The following LIMD2 variants were observed in gnomAD, a reference collection of about 807,000 sequenced individuals.
The protein encoded by LIMD2 is LIM domain-containing protein 2.
LIMD2 carries 11 observed loss-of-function variants against 16.0 expected under a neutral mutation model. The ratio of observed to expected loss-of-function variants is 0.69; its 90% CI spans 0.43 to 1.14. The LOEUF (loss-of-function observed/expected upper bound fraction) is 1.14. Among genes scored for constraint, LIMD2 ranks in the 50% most tolerant of loss-of-function variants. The pLI is 0.00. For synonymous variants in LIMD2, 60 were observed against 67.1 expected (o/e 0.89, Z 0.52); for missense variants, 168 against 165.8 (o/e 1.01, Z -0.07).
chr17:63,699,466 C>T (rs2035750729), intron 1 of LIMD2, 118 bp from the exon 2 acceptor site: 1 of 973,900 alleles, frequency 1.0e-6, no homozygotes, highest in Non-Finnish European at 1.5e-6. Flanking sequence ...AAGTCATTTC[C>T]TGTTGCTCTT....
Position 63,699,009 on chromosome 17 carries a change from C to A in LIMD2, c.84+19G>T. ...TCCCTCACACCCCTCCTCCCGCACA[C>A]CCGGCCCCAGGCCCCTACCTTGGAG... On this transcript the variant is annotated intron_variant, in intron 3 of 4. Transcript: ENST00000259006. 3 of 1,609,748 alleles carry A rather than the reference C, an allele frequency of 1.9e-6. No individual in the cohort carries two copies. The highest frequency in any genetic ancestry group is 2.5e-6 in the Non-Finnish European group (3 of 1,178,196).
At position 63,696,962 on chromosome 17, in the gene LIMD2, G is replaced by T. The variant is rs2035703225; in HGVS notation, c.*1590C>A. On this transcript the variant is annotated 3_prime_UTR_variant, in exon 5 of 5. Transcript: ENST00000259006. ...CCAGCTCCCTGCCCTGTTCCACGGG[G>T]AGGCCACTTAGGAACTCAGGCAGTT... 1.3e-5 allele frequency: 2 copies of T among 152,212 alleles called. No individual in the cohort carries two copies. Among genetic ancestry groups the T allele is most frequent in the Admixed American group, 1.3e-4 (2 of 15,276 alleles). 9.4% of individuals were successfully genotyped at this position (152,212 alleles called of 1,614,324 possible). A position where few individuals can be genotyped will look rare whatever the true frequency, so the allele number is the denominator to read the frequency against.
In LIMD2 at chr17:63,698,537, A is replaced by C. The variant is rs755021940; in HGVS notation, c.*15T>G. The C allele has an allele frequency of 1.2e-6, 2 of 1,612,186 alleles. No individual in the cohort carries two copies. Among genetic ancestry groups the C allele is most frequent in the South Asian group, 2.2e-5 (2 of 90,946 alleles). ...TCCAGGCCTTCCGCAGAGGGGGTGGAAGGTTACAGAGGCCTCAGGCCGTCT... is the reference window on the plus strand; with the variant it reads ...TCCAGGCCTTCCGCAGAGGGGGTGGCAGGTTACAGAGGCCTCAGGCCGTCT... On this transcript the variant is annotated 3_prime_UTR_variant, in exon 5 of 5. Coordinates refer to ENST00000259006, the MANE Select transcript of LIMD2 (RefSeq NM_030576.4).
At chr17:63,700,970 T>G (rs1439673525), upstream of LIMD2, 1 of 152,124 alleles carries the variant, frequency 6.6e-6, no homozygotes, top group Non-Finnish European at 1.5e-5. The surrounding 1 kb of genome is among the most constrained non-coding windows in gnomAD (Gnocchi z 7.1). Flanking sequence ...GGGCCCCCTC[T>G]CCAACAAGCG....
rs2035710602 is a variant in LIMD2, at chr17:63,697,539, A to G, written c.*1013T>C. ...CAGGCCTCTTCACAATGGGGTGCAT[A>G]TGGTAAGTTGGTGGGTCTGAACCAA... On this transcript the variant is annotated 3_prime_UTR_variant, in exon 5 of 5. Coordinates refer to ENST00000259006, the MANE Select transcript of LIMD2 (RefSeq NM_030576.4). 1 of 152,120 alleles carries G rather than the reference A, an allele frequency of 6.6e-6. No homozygotes were observed. Among genetic ancestry groups the G allele is most frequent in the South Asian group, 2.1e-4 (1 of 4,828 alleles). The allele number at this position is 152,120 out of a possible 1,614,324, so 9.4% of individuals were successfully genotyped here. A position where few individuals can be genotyped will look rare whatever the true frequency, so the allele number is the denominator to read the frequency against.
In LIMD2 at chr17:63,698,648, A is replaced by C; in HGVS notation, c.288T>G (p.Phe96Leu). 2 of 1,613,842 alleles carry C rather than the reference A, an allele frequency of 1.2e-6. No individual in the cohort carries two copies. The highest frequency in any genetic ancestry group is 1.7e-6 in the Non-Finnish European group (2 of 1,180,002). Residue 96 changes from phenylalanine (F) to leucine (L), a missense_variant, in exon 5 of 5, where the codon TTT becomes TTG. Phe to Leu is a conservative substitution (Grantham distance 22). Transcript: ENST00000259006. Reference protein sequence around the residue: ...FYCKPHFQQLFKSKGNYDEGF... With the variant: ...FYCKPHFQQLLKSKGNYDEGF... ...CCTCGTCGTAGTTGCCTTTGCTCTT[A>C]AACAGCTGCTGGAAGTGGGGTTTGC... is the stretch of plus-strand genomic sequence containing the variant.
rs1177587575 is a variant in LIMD2 at position 63,697,626 on chromosome 17, A to AAGCCCTCGCTGTGAAGAGG, written c.*907_*925dup. 3.3e-5 allele frequency: 5 copies of AAGCCCTCGCTGTGAAGAGG among 152,232 alleles called. No individual in the cohort carries two copies. The highest frequency in any genetic ancestry group is 6.5e-5 in the Admixed American group (1 of 15,282). The allele number at this position is 152,232 out of a possible 1,614,324, so 9.4% of individuals were successfully genotyped here. Reference sequence around the variant, plus strand: ...AAACCACTGTGGGTGTGACAGCATGAAGCCCTCGCTGTGAAGAGGAGCCCT... The same window carrying AAGCCCTCGCTGTGAAGAGG: ...AAACCACTGTGGGTGTGACAGCATGAAGCCCTCGCTGTGAAGAGGAGCCCTCGCTGTGAAGAGGAGCCCT... On this transcript the variant is annotated 3_prime_UTR_variant, in exon 5 of 5. Coordinates refer to ENST00000259006, the MANE Select transcript of LIMD2 (RefSeq NM_030576.4).
In LIMD2 at chr17:63,699,074, G is replaced by A; in HGVS notation, c.43-5C>T. 3 of 1,604,044 alleles carry A rather than the reference G, an allele frequency of 1.9e-6. No individual in the cohort carries two copies. Among genetic ancestry groups the A allele is most frequent in the Non-Finnish European group, 1.7e-6 (2 of 1,176,812 alleles). ...GCTGCCGCCGCCTTTGGCGTCCTGA[G>A]GGAGAGGGGCGGTCAGGGCAGGGGC... is the stretch of plus-strand genomic sequence containing the variant. On this transcript the variant is annotated splice_polypyrimidine_tract_variant and splice_region_variant and intron_variant, in intron 2 of 4. Transcript: ENST00000259006.
intron 1 of LIMD2, chr17:63,699,650 G>T (rs2035754283): frequency 3.7e-6 from 1 of 267,492 alleles, no homozygotes; most frequent in Non-Finnish European, 6.2e-6. Flanking sequence ...GGTGAGGGGA[G>T]GTCGGGGCCG....
intron 1 of LIMD2, 158 bp from the exon 2 acceptor site, chr17:63,699,506 T>G: frequency 1.6e-6 from 1 of 619,720 alleles, no homozygotes; most frequent in Non-Finnish European, 2.6e-6. Context: ...CTCACCCACC[T>G]CCCCCACCCC....
In LIMD2 at chr17:63,699,312, T is replaced by C. The variant is rs1222631961; in HGVS notation, c.-14A>G. 6.2e-7 allele frequency: 1 copy of C among 1,601,288 alleles called. No homozygotes were observed. Among genetic ancestry groups the C allele is most frequent in the Non-Finnish European group, 8.5e-7 (1 of 1,173,928 alleles). On this transcript the variant is annotated 5_prime_UTR_variant, in exon 2 of 5. Coordinates refer to ENST00000259006, the MANE Select transcript of LIMD2 (RefSeq NM_030576.4). ...AGCCTGGAACATGGCTCGTTGGAGG[T>C]GGAAGCCTCGGGTGGAGAAGCGGCA...
Position 63,699,059 on chromosome 17 carries a change from C to T in LIMD2, c.53G>A (p.Gly18Asp), listed in dbSNP as rs902621768. Residue 18 changes from glycine to aspartate, a missense_variant, in exon 3 of 5, where the codon GGC becomes GAC. Transcript: ENST00000259006. The stretch of plus-strand genomic sequence containing the variant: ...GCGCTGCACCGTGCTGCTGCCGCCG[C>T]CTTTGGCGTCCTGAGGGAGAGGGGC... ...AQATPSHDAK[G>D]GGSSTVQRSK... is the part of the protein sequence containing the mutation. The T allele has an allele frequency of 2.5e-6, 4 of 1,605,718 alleles. No homozygotes were observed. In the African/African-American group the frequency reaches 4.0e-5, roughly 16 times the overall value.
chr17:63,699,369 G>A, intron 1 of LIMD2, 21 bp from the exon 2 acceptor site: 1 of 1,527,322 alleles, frequency 6.5e-7, no homozygotes, highest in Non-Finnish European at 8.8e-7. Flanking sequence ...AAGTCAGTCG[G>A]GAGGGCCCCG....
intron 1 of LIMD2, 58 bp from the exon 2 acceptor site, chr17:63,699,406 G>C (rs2035749465): frequency 4.1e-6 from 6 of 1,472,058 alleles, no homozygotes; most frequent in East Asian, 2.4e-5. Context: ...CTGCAGGGTG[G>C]GGGGTGTTGA....
Position 63,698,729 on chromosome 17 carries a change from C to G in LIMD2, c.225-18G>C. On this transcript the variant is annotated intron_variant, in intron 4 of 4. Coordinates refer to ENST00000259006, the MANE Select transcript of LIMD2 (RefSeq NM_030576.4). ...TGCCCAGGCTGCAGAAGCCAAACAA[C>G]GGCGTCAGGTCAGGTCAGGTCGGGG... is the stretch of plus-strand genomic sequence containing the variant. 2 of 1,592,138 alleles carry G rather than the reference C, an allele frequency of 1.3e-6. No individual in the cohort carries two copies. Among genetic ancestry groups the G allele is most frequent in the Non-Finnish European group, 1.7e-6 (2 of 1,167,640 alleles).
chr17:63,698,640 T>G lies in LIMD2; in HGVS notation c.296A>C (p.Lys99Thr), dbSNP rs752864147. Residue 99 changes from lysine to threonine, a missense_variant, in exon 5 of 5, where the codon AAA becomes ACA. Coordinates refer to ENST00000259006, the MANE Select transcript of LIMD2 (RefSeq NM_030576.4). ...GCCAAACCCCTCGTCGTAGTTGCCT[T>G]TGCTCTTAAACAGCTGCTGGAAGTG... Reference protein sequence around the residue: ...KPHFQQLFKSKGNYDEGFGRK... With the variant: ...KPHFQQLFKSTGNYDEGFGRK... 3.7e-6 allele frequency: 6 copies of G among 1,613,870 alleles called. No homozygotes were observed. Among genetic ancestry groups the G allele is most frequent in the Middle Eastern group, 1.6e-4 (1 of 6,062 alleles).
At chr17:63,699,517 T>G in intron 1 of LIMD2, 169 bp from the exon 2 acceptor site, 1 of 589,270 alleles carries the variant, frequency 1.7e-6, no homozygotes, top group Non-Finnish European at 2.8e-6. Flanking sequence ...CCCCCACCCC[T>G]GCTCCCCAGG....
chr17:63,700,673 TC>T (rs1226056686), upstream of LIMD2: 1 of 149,604 alleles, frequency 6.7e-6, no homozygotes, highest in Non-Finnish European at 1.5e-5. The surrounding 1 kb of genome is among the most constrained non-coding windows in gnomAD (Gnocchi z 7.1). Flanking sequence ...TGGCCCGGGG[TC>T]CCTCGGGCGG....
At position 63,699,335 on chromosome 17, in the gene LIMD2, G is replaced by C. The variant is rs1211623063; in HGVS notation, c.-37C>G. ...GGTGGAAGCCTCGGGTGGAGAAGCG[G>C]CACCCGCTGGGTTCTGCAAGGGGAA... On this transcript the variant is annotated 5_prime_UTR_variant, in exon 2 of 5. Transcript: ENST00000259006. The C allele has an allele frequency of 1.3e-6, 2 of 1,587,060 alleles. No individual in the cohort carries two copies. Among genetic ancestry groups the C allele is most frequent in the Non-Finnish European group, 1.7e-6 (2 of 1,166,478 alleles).
Sources: allele counts gnomAD v4.1 joint callset, GRCh38; gene constraint gnomAD v4.1.1; non-coding constraint Gnocchi (gnomAD v3.1); transcripts MANE v1.5; gene names NCBI Gene and HGNC (gene_info 2026-07-23, HGNC 2026-07-21).